Variants in POLR1A observed in about 807,000 individuals in gnomAD.
The protein encoded by POLR1A is DNA-directed RNA polymerase I subunit RPA1.
In POLR1A, 84 loss-of-function variants were observed where a neutral mutation model predicts 205.3. The observed-to-expected ratio is 0.41, with a 90% CI of 0.34 to 0.49. POLR1A has a LOEUF of 0.49. Ranked by LOEUF, POLR1A falls within the 20% of genes least tolerant of loss-of-function variation. The pLI is 0.22. For missense variants in POLR1A, 1,645 were observed against 2,204.5 expected (o/e 0.75, Z 5.08); for synonymous variants, 799 against 863.7 (o/e 0.93, Z 1.31).
At chr2:86,057,489 G>A (rs1280139091) in intron 14 of POLR1A, among the ~76,000 whole-genome samples, 3 of 152,218 alleles carry the variant, frequency 2.0e-5, no homozygotes, top group Admixed American at 1.3e-4. Flanking sequence ...GAAAACACAC[G>A]TTCATACAAA....
At chr2:86,095,730 C>CT (rs3077170) in intron 3 of POLR1A, among the ~76,000 whole-genome samples, 24 of 141,732 alleles carry the variant, frequency 1.7e-4, no homozygotes, top group African/African-American at 4.6e-4. Context: ...ATATTCTTTT[C>CT]TTTTTTTTTT....
At chr2:86,080,699 GC>G in intron 9 of POLR1A, 116 bp downstream of exon 9, 1 of 991,994 alleles carries the variant, frequency 1.0e-6, no homozygotes, top group Non-Finnish European at 1.4e-6. Context: ...TAAGGCTGCT[GC>G]CAGCTGCACA....
intron 1 of POLR1A, 60 bp downstream of exon 1, chr2:86,105,640 G>A: frequency 1.7e-6 from 2 of 1,163,302 alleles, no homozygotes; most frequent in Non-Finnish European, 2.6e-6. Flanking sequence ...TCTGGGAATC[G>A]TAGTTTAGGG....
At chr2:86,046,064 G>A (rs569055323) in intron 19 of POLR1A, among the ~76,000 whole-genome samples, 1 of 152,244 alleles carries the variant, frequency 6.6e-6, no homozygotes, top group African/African-American at 2.4e-5. Flanking sequence ...TAAAGGACTG[G>A]AGGGTCCTGA....
chr2:86,105,682 A>C lies in POLR1A; in HGVS notation c.77+18T>G. 6.3e-7 allele frequency: 1 copy of C among 1,575,262 alleles called. No individual in the cohort carries two copies. Among genetic ancestry groups the C allele is most frequent in the Non-Finnish European group, 8.7e-7 (1 of 1,144,208 alleles). The stretch of plus-strand genomic sequence containing the variant: ...CCTCAAGATCCAGGCTGGGCACGCT[A>C]CCCGACCAACTCCTTACTTGAGCTC... On this transcript the variant is annotated intron_variant, in intron 1 of 33. Transcript: ENST00000263857.
At chr2:86,078,076 T>C (rs1673326625) in intron 10 of POLR1A, 38 bp downstream of exon 10, 1 of 1,612,300 alleles carries the variant, frequency 6.2e-7, no homozygotes, top group Non-Finnish European at 8.5e-7. Context: ...ATTATTTATC[T>C]TCTGTAGCTA....
At chr2:86,048,049 A>G (rs569978087) in intron 18 of POLR1A, among the ~76,000 whole-genome samples, 1 of 152,278 alleles carries the variant, frequency 6.6e-6, no homozygotes, top group East Asian at 1.9e-4. Flanking sequence ...AAACCCCTCA[A>G]GGATGGAACC....
At chr2:86,077,526 A>T (rs1438028525) in intron 11 of POLR1A, among the ~76,000 whole-genome samples, 2 of 152,112 alleles carry the variant, frequency 1.3e-5, no homozygotes, top group African/African-American at 2.4e-5. Flanking sequence ...AGGTCAAAAG[A>T]CTAGGCTGAA....
chr2:86,079,800 G>GA (rs1673362892), intron 9 of POLR1A, among the ~76,000 whole-genome samples: 1 of 152,074 alleles, frequency 6.6e-6, no homozygotes, highest in African/African-American at 2.4e-5. Context: ...GGGCTCAAGT[G>GA]AACCTCCTGC....
chr2:86,029,304 C>T (rs956699528), intron 31 of POLR1A, among the ~76,000 whole-genome samples: 1 of 151,522 alleles, frequency 6.6e-6, no homozygotes, highest in Non-Finnish European at 1.5e-5. Context: ...CAGAAGTGTA[C>T]GTGGCAGGGG....
chr2:86,034,403 G>A (rs1442781216), intron 27 of POLR1A, among the ~76,000 whole-genome samples: 1 of 152,218 alleles, frequency 6.6e-6, no homozygotes, highest in African/African-American at 2.4e-5. Flanking sequence ...AAATTTCGAA[G>A]GGCAGAGATA....
chr2:86,104,372 G>A (rs1165552984), intron 1 of POLR1A, among the ~76,000 whole-genome samples: 1 of 151,656 alleles, frequency 6.6e-6, no homozygotes, highest in Non-Finnish European at 1.5e-5. Context: ...CCAGTTTCTA[G>A]TGACTATTTT....
chr2:86,089,786 C>T, intron 4 of POLR1A, 36 bp downstream of exon 4: 1 of 1,277,824 alleles, frequency 7.8e-7, no homozygotes, highest in Non-Finnish European at 1.1e-6. Flanking sequence ...AAAATGATGC[C>T]CAAAACAGCA....
Position 86,105,755 on chromosome 2 carries a change from G to A in POLR1A, c.22C>T (p.Pro8Ser), listed in dbSNP as rs763357045. 1.1e-5 allele frequency: 18 copies of A among 1,614,038 alleles called. No individual in the cohort carries two copies. In the South Asian group the frequency reaches 1.8e-4, roughly 16 times the overall value. Residue 8 changes from proline to serine, a missense_variant, in exon 1 of 34, where the codon CCC becomes TCC. Pro to Ser is a moderately conservative substitution (Grantham distance 74, BLOSUM62 -1). Transcript: ENST00000263857. MLISKNMPWRRLQGISFG... is the reference protein window; with the variant it reads MLISKNMSWRRLQGISFG... ...GAAATGCCCTGCAGCCGCCGCCAGG[G>A]CATGTTCTTGGAGATCAACATCCTC...
At position 86,070,195 on chromosome 2, in the gene POLR1A, G is replaced by A. The variant is rs752045601; in HGVS notation, c.1689C>T (p.Ala563=). 3 of 1,614,188 alleles carry A rather than the reference G, an allele frequency of 1.9e-6. No homozygotes were observed. The Admixed American group carries it at 5.0e-5, about 27-fold the overall frequency. Residue 563 remains alanine (A), a synonymous_variant, in exon 13 of 34, where the codon GCC becomes GCT. Transcript: ENST00000263857. This position sits in a 1 kb window ranked among gnomAD's most constrained non-coding sequence, Gnocchi z 4.4. ...QPTLHRPSIQ[A]HRARILPEEK... is the part of the protein sequence containing the mutation. Reference sequence around the variant, plus strand: ...CTTCAGGCAGGATGCGGGCACGGTGGGCCTGGATGGAGGGTCTGTGCAGTG... The same window carrying A: ...CTTCAGGCAGGATGCGGGCACGGTGAGCCTGGATGGAGGGTCTGTGCAGTG...
intron 1 of POLR1A, among the ~76,000 whole-genome samples, chr2:86,101,604 A>C (rs76052260): frequency 0.035 from 5,336 of 152,322 alleles, 229 homozygotes; most frequent in East Asian, 0.23. Flanking sequence ...CATTGAACAA[A>C]TTACTTACCT....
rs1672414627 is a variant in POLR1A, at chr2:86,032,358, C to G, written c.4186G>C (p.Glu1396Gln). 1 of 1,613,252 alleles carries G rather than the reference C, an allele frequency of 6.2e-7. No individual in the cohort carries two copies. Among genetic ancestry groups the G allele is most frequent in the African/African-American group, 1.3e-5 (1 of 74,884 alleles). ...TCAGCATCCACAATGTGCCCCTCCTCTTCCTCATCACCCTCCTGCTCTCCC... is the reference window on the plus strand; with the variant it reads ...TCAGCATCCACAATGTGCCCCTCCTGTTCCTCATCACCCTCCTGCTCTCCC... ...SRGEQEGDEE[E>Q]EGHIVDAEAE... Residue 1396 changes from glutamate (E) to glutamine (Q), a missense_variant, in exon 29 of 34, where the codon GAG becomes CAG. Glu to Gln is a conservative substitution (Grantham distance 29). Coordinates refer to ENST00000263857, the MANE Select transcript of POLR1A (RefSeq NM_015425.6).
In POLR1A at chr2:86,101,007, A is replaced by G. The variant is rs143913683; in HGVS notation, c.78-835T>C. ...TGGAATAGACTTAACTCCAAAGCCCACCCAGTTCAATGAAGGGAATGTGAT... is the reference window on the plus strand; with the variant it reads ...TGGAATAGACTTAACTCCAAAGCCCGCCCAGTTCAATGAAGGGAATGTGAT... On this transcript the variant is annotated intron_variant, in intron 1 of 33. Transcript: ENST00000263857. 5.9e-5 allele frequency among the ~76,000 whole-genome samples: 9 copies of G among 152,310 alleles called. No individual in the cohort carries two copies. In the East Asian group the frequency reaches 1.7e-3, roughly 29 times the overall value.
intron 3 of POLR1A, among the ~76,000 whole-genome samples, chr2:86,094,474 TG>T (rs1215874406): frequency 6.6e-6 from 1 of 152,204 alleles, no homozygotes; most frequent in Admixed American, 6.5e-5. Context: ...CATTCCAGGC[TG>T]GTCTTGTACT....
Sources: allele counts gnomAD v4.1 joint callset (sites outside exome capture counted in the v4.1 genomes callset), GRCh38; gene constraint gnomAD v4.1.1; non-coding constraint Gnocchi (gnomAD v3.1); transcripts MANE v1.5; gene names NCBI Gene and HGNC (gene_info 2026-07-23, HGNC 2026-07-21).